GLG1: variants seen among roughly 807,000 people sequenced by gnomAD.
GLG1 encodes the protein Golgi apparatus protein 1.
GLG1 carries 38 observed loss-of-function variants against 160.5 expected under a neutral mutation model. The observed-to-expected ratio is 0.24, with a 90% CI of 0.18 to 0.31. The LOEUF is 0.31. GLG1 is among the 10% of genes least tolerant of loss of function. The probability of loss-of-function intolerance (pLI) is 1.00; values close to 1 mark genes in which losing one functional copy is unlikely to be tolerated. For synonymous variants in GLG1, 644 were observed against 543.4 expected (o/e 1.19, Z -2.57); for missense variants, 1,373 against 1,505.2 (o/e 0.91, Z 1.45).
At chr16:74,574,883 CAAAAAAAAAAAAAAAAAA>C (rs531720341) in intron 1 of GLG1, among the ~76,000 whole-genome samples, 3 of 24,792 alleles carry the variant, frequency 1.2e-4, no homozygotes, top group African/African-American at 7.5e-4. Flanking sequence ...GACTCTGTCT[CAAAAAAAAAAAAAAAAAA>C]AAAAAAAAAA....
chr16:74,462,584 A>T lies in GLG1; in HGVS notation c.2838T>A (p.Ile946=). The change falls in exon 21 of 26, where the codon ATT becomes ATA. Residue 946 remains isoleucine (I), a synonymous_variant. Coordinates refer to ENST00000422840, the MANE Select transcript of GLG1 (RefSeq NM_001145667.2). The part of the protein sequence containing the change: ...PMLRKACKAD[I]PKFCHGILTK... ...TCAGGATACCGTGACAGAATTTAGG[A>T]ATGTCAGCTTTACAGGCTTTTCTTA... 2 of 1,613,804 alleles carry T rather than the reference A, an allele frequency of 1.2e-6. No individual in the cohort carries two copies. The highest frequency in any genetic ancestry group is 1.7e-6 in the Non-Finnish European group (2 of 1,179,652).
intron 2 of GLG1, among the ~76,000 whole-genome samples, chr16:74,511,140 A>C (rs1486289864): frequency 6.6e-6 from 1 of 152,152 alleles, no homozygotes; most frequent in Non-Finnish European, 1.5e-5. Flanking sequence ...GGGGAATCGC[A>C]GAAGAGAAAG....
intron 2 of GLG1, among the ~76,000 whole-genome samples, chr16:74,531,659 A>G (rs1298686106): frequency 3.3e-5 from 5 of 151,882 alleles, no homozygotes; most frequent in African/African-American, 9.7e-5. Context: ...TCTGACATCA[A>G]CTCACCTGGA....
chr16:74,547,757 C>T (rs2018088818), intron 1 of GLG1, among the ~76,000 whole-genome samples: 1 of 152,248 alleles, frequency 6.6e-6, no homozygotes. Flanking sequence ...ATAGCATAAT[C>T]ACCAACTCAC....
At chr16:74,513,970 C>T (rs1362351354) in intron 2 of GLG1, among the ~76,000 whole-genome samples, 3 of 152,124 alleles carry the variant, frequency 2.0e-5, no homozygotes, top group Non-Finnish European at 2.9e-5. Flanking sequence ...CTGAAAACCA[C>T]AGTACGAGAA....
At chr16:74,483,713 C>T (rs1390214070) in intron 9 of GLG1, among the ~76,000 whole-genome samples, 1 of 150,768 alleles carries the variant, frequency 6.6e-6, no homozygotes, top group Non-Finnish European at 1.5e-5. Context: ...GGCTGGAGTG[C>T]AGTGGCGCAA....
chr16:74,509,012 A>T (rs1345489335), intron 2 of GLG1, 87 bp from the exon 3 acceptor site: 2 of 662,178 alleles, frequency 3.0e-6, no homozygotes, highest in Non-Finnish European at 5.5e-6. Context: ...GACAAAAGCC[A>T]ATTATACAGA....
intron 2 of GLG1, among the ~76,000 whole-genome samples, chr16:74,509,333 A>G (rs975411866): frequency 6.6e-6 from 1 of 152,018 alleles, no homozygotes; most frequent in African/African-American, 2.4e-5. Flanking sequence ...AAAAGTCAAG[A>G]AAAAATGAAA....
intron 6 of GLG1, among the ~76,000 whole-genome samples, chr16:74,493,668 G>A (rs545882984): frequency 6.6e-6 from 1 of 152,144 alleles, no homozygotes; most frequent in Non-Finnish European, 1.5e-5. Flanking sequence ...TGACAAGATA[G>A]CAAAATTAAT....
At chr16:74,605,397 G>C (rs1209947191) in intron 1 of GLG1, among the ~76,000 whole-genome samples, 1 of 152,134 alleles carries the variant, frequency 6.6e-6, no homozygotes, top group Non-Finnish European at 1.5e-5. Context: ...ACCAGTATTA[G>C]GATCCTAGTT....
At chr16:74,502,727 T>G (rs1452164331) in intron 4 of GLG1, among the ~76,000 whole-genome samples, 1 of 137,632 alleles carries the variant, frequency 7.3e-6, no homozygotes, top group Non-Finnish European at 1.7e-5. Context: ...TTTTGGTTTT[T>G]TTTTTTTTTT....
intron 1 of GLG1, among the ~76,000 whole-genome samples, chr16:74,575,734 C>T (rs2018983765): frequency 6.6e-6 from 1 of 152,126 alleles, no homozygotes; most frequent in African/African-American, 2.4e-5. Context: ...CAGTAGCTCG[C>T]TCTTTATTTT....
At chr16:74,469,524 G>A (rs775315436) in intron 16 of GLG1, 5 of 184,082 alleles carry the variant, frequency 2.7e-5, no homozygotes, top group Non-Finnish European at 5.7e-5. Flanking sequence ...GGACAGTCAC[G>A]CTGAAAAAGC....
At chr16:74,466,534 C>T (rs1381636310) in intron 18 of GLG1, among the ~76,000 whole-genome samples, 1 of 152,120 alleles carries the variant, frequency 6.6e-6, no homozygotes, top group Admixed American at 6.6e-5. Flanking sequence ...GAATCACTAA[C>T]TAGTTGAGGA....
chr16:74,507,944 A>T (rs1051707554), intron 3 of GLG1, among the ~76,000 whole-genome samples: 2 of 152,172 alleles, frequency 1.3e-5, no homozygotes, highest in Admixed American at 1.3e-4. Flanking sequence ...GGAGCTAAAG[A>T]TAAATTTTTC....
intron 1 of GLG1, among the ~76,000 whole-genome samples, chr16:74,553,469 GTTTTTTTT>G (rs537408696): frequency 1.6e-4 from 17 of 106,086 alleles, no homozygotes; most frequent in African/African-American, 4.8e-4. Context: ...TTTTGTTTCG[GTTTTTTTT>G]TTTTTTTTTT....
At chr16:74,490,668 T>C (rs1309948569) in intron 8 of GLG1, among the ~76,000 whole-genome samples, 1 of 152,216 alleles carries the variant, frequency 6.6e-6, no homozygotes, top group Non-Finnish European at 1.5e-5. Flanking sequence ...CTGTCGTCAT[T>C]GATTGGAACC....
At chr16:74,580,957 A>T (rs1470947404) in intron 1 of GLG1, among the ~76,000 whole-genome samples, 1 of 152,206 alleles carries the variant, frequency 6.6e-6, no homozygotes, top group African/African-American at 2.4e-5. Context: ...TGGGCAACAG[A>T]GCGAGACTAC....
chr16:74,497,747 T>C (rs2016252282), intron 4 of GLG1, among the ~76,000 whole-genome samples: 1 of 152,162 alleles, frequency 6.6e-6, no homozygotes, highest in Non-Finnish European at 1.5e-5. Flanking sequence ...AACAGTGCTT[T>C]CAGTCAAGTT....
Sources: gnomAD v4.1 joint callset for allele counts (sites outside exome capture counted in the v4.1 genomes callset) on GRCh38, gnomAD v4.1.1 for gene constraint, MANE v1.5 for transcripts, NCBI Gene and HGNC (gene_info 2026-07-23, HGNC 2026-07-21) for gene names.